NFATC2: variants seen among roughly 807,000 people sequenced by gnomAD.
NFATC2 encodes nuclear factor of activated T cells 2.
Under a neutral mutation model 87.3 loss-of-function variants are expected in NFATC2, and 22 were observed. The ratio of observed to expected loss-of-function variants is 0.25; its 90% CI spans 0.18 to 0.36. The LOEUF (loss-of-function observed/expected upper bound fraction) is 0.36, where lower values mean the gene tolerates loss of function less well. NFATC2 is among the 10% of genes least tolerant of loss of function. The probability of loss-of-function intolerance (pLI) is 1.00; values close to 1 mark genes in which losing one functional copy is unlikely to be tolerated. For missense variants in NFATC2, 1,149 were observed against 1,259.1 expected (o/e 0.91, Z 1.32); for synonymous variants, 565 against 542.2 (o/e 1.04, Z -0.58).
At chr20:51,535,439 C>A (rs192526337) in intron 1 of NFATC2, among the ~76,000 whole-genome samples, 6 of 152,360 alleles carry the variant, frequency 3.9e-5, no homozygotes, top group African/African-American at 1.4e-4. Context: ...GACAGTGGGG[C>A]CTGTGTAACC....
At chr20:51,493,313 T>C (rs988497732) in intron 3 of NFATC2, among the ~76,000 whole-genome samples, 1 of 152,162 alleles carries the variant, frequency 6.6e-6, no homozygotes, top group Non-Finnish European at 1.5e-5. Context: ...TGGCGACACA[T>C]AGTAAGCGCT....
In NFATC2 at chr20:51,429,395, A is replaced by G. The variant is rs189015149; in HGVS notation, c.2722+2672T>C. Among the ~76,000 whole-genome samples, 28 of 152,374 alleles carry G rather than the reference A, an allele frequency of 1.8e-4. No homozygotes were observed. The East Asian group carries it at 4.0e-3, about 22-fold the overall frequency. On this transcript the variant is annotated intron_variant, in intron 9 of 10. Transcript: ENST00000371564. ...TTTGGAGGCCACGTGGGTGGAAACC[A>G]TTCCACTGCCCCATCCAGCTCTGGC...
chr20:51,552,428 G>T (rs2076942198), intron 1 of NFATC2, among the ~76,000 whole-genome samples: 1 of 152,130 alleles, frequency 6.6e-6, no homozygotes, highest in African/African-American at 2.4e-5. Flanking sequence ...TTAGGGATGA[G>T]CTCCTTATAG....
At chr20:51,561,200 C>T (rs1322046465) in intron 1 of NFATC2, among the ~76,000 whole-genome samples, 1 of 151,426 alleles carries the variant, frequency 6.6e-6, no homozygotes, top group Non-Finnish European at 1.5e-5. Flanking sequence ...CCCGTTAAAA[C>T]GTTCGAAGTC....
In NFATC2 at chr20:51,523,211, G is replaced by A. The variant is rs749094536; in HGVS notation, c.1030C>T (p.His344Tyr). 2.5e-6 allele frequency: 4 copies of A among 1,613,886 alleles called. No individual in the cohort carries two copies. The East Asian group carries it at 8.9e-5, about 36-fold the overall frequency. The change falls in exon 2 of 11, where the codon CAC (histidine) becomes TAC (tyrosine). Residue 344 changes from histidine to tyrosine, a missense_variant. Physicochemically the swap from His to Tyr is moderately conservative, Grantham distance 83. This residue lies in a region of NFATC2 where 563 missense variants were observed against 585.2 expected (regional missense o/e 0.96). Coordinates refer to ENST00000371564, the MANE Select transcript of NFATC2 (RefSeq NM_012340.5). This position sits in a 1 kb window ranked among gnomAD's most constrained non-coding sequence, Gnocchi z 6.9. ...AAPSKAGLPR[H>Y]IYPAVEFLGP... Reference sequence around the variant, plus strand: ...AGGAACTCCACGGCCGGGTAGATGTGGCGAGGCAGGCCGGCCTTGGATGGG... The same window carrying A: ...AGGAACTCCACGGCCGGGTAGATGTAGCGAGGCAGGCCGGCCTTGGATGGG...
At chr20:51,525,029 G>A (rs201977420) in intron 1 of NFATC2, among the ~76,000 whole-genome samples, 2 of 152,042 alleles carry the variant, frequency 1.3e-5, no homozygotes, top group East Asian at 1.9e-4. Flanking sequence ...AGACCAGCCC[G>A]GCCAACATGG....
chr20:51,493,542 A>G (rs932009058), intron 3 of NFATC2, among the ~76,000 whole-genome samples: 1 of 152,202 alleles, frequency 6.6e-6, no homozygotes, highest in Non-Finnish European at 1.5e-5. Context: ...GCCTCTCATT[A>G]CTTGAGCACC....
intron 9 of NFATC2, among the ~76,000 whole-genome samples, chr20:51,431,250 C>T (rs1982659460): frequency 6.6e-6 from 1 of 152,218 alleles, no homozygotes; most frequent in Non-Finnish European, 1.5e-5. Context: ...CAAGGCTGCT[C>T]TGCTCATCCC....
intron 3 of NFATC2, among the ~76,000 whole-genome samples, chr20:51,507,037 G>A (rs943275991): frequency 8.5e-5 from 13 of 152,186 alleles, no homozygotes; most frequent in Admixed American, 3.9e-4. Flanking sequence ...ATCCAGCCCC[G>A]GCTGGAGCGC....
Position 51,391,463 on chromosome 20 carries a change from AAGAGGAGGGGGGGGGAG to A in NFATC2, c.*45-29_*45-13del. The A allele has an allele frequency of 8.4e-7, 1 of 1,186,850 alleles. No individual in the cohort carries two copies. 73.5% of individuals were successfully genotyped at this position (1,186,850 alleles called of 1,614,324 possible). Reference sequence around the variant, plus strand: ...GATAATTTCATTAACTACAAAAGAAAAGAGGAGGGGGGGGGAGAGAGAATGGGGCAAGTGAGAGGGCA... The same window carrying A: ...GATAATTTCATTAACTACAAAAGAAAAGAGAATGGGGCAAGTGAGAGGGCA... On this transcript the variant is annotated splice_polypyrimidine_tract_variant and intron_variant, in intron 10 of 10. Coordinates refer to ENST00000371564, the MANE Select transcript of NFATC2 (RefSeq NM_012340.5).
In NFATC2 at chr20:51,443,010, CCT is replaced by C. The variant is rs1447111387; in HGVS notation, c.1850-7251_1850-7250del. On this transcript the variant is annotated intron_variant, in intron 6 of 10. Coordinates refer to ENST00000371564, the MANE Select transcript of NFATC2 (RefSeq NM_012340.5). ...CAGCCTCTCTACCCAGCTTTCCTCC[CCT>C]GATTCCATTAGACACACTGGCCTTC... Among the ~76,000 whole-genome samples the C allele has an allele frequency of 3.3e-5, 5 of 152,270 alleles. No homozygotes were observed. In the South Asian group the frequency reaches 1.0e-3, roughly 32 times the overall value.
intron 10 of NFATC2, among the ~76,000 whole-genome samples, chr20:51,395,379 C>A (rs1477850006): frequency 1.3e-5 from 2 of 149,156 alleles, no homozygotes; most frequent in African/African-American, 2.6e-5. Flanking sequence ...TTTGGGGATC[C>A]CAGAATCCTC....
chr20:51,399,040 G>A lies in NFATC2; in HGVS notation c.2723-310C>T, dbSNP rs991383902. 4 of 251,412 alleles carry A rather than the reference G, an allele frequency of 1.6e-5. No individual in the cohort carries two copies. In the Admixed American group the frequency reaches 2.0e-4, roughly 13 times the overall value. 15.6% of individuals were successfully genotyped at this position (251,412 alleles called of 1,614,324 possible). On this transcript the variant is annotated intron_variant, in intron 9 of 10. Coordinates refer to ENST00000371564, the MANE Select transcript of NFATC2 (RefSeq NM_012340.5). ...GTATGTGATGGGGTTTCAAATCATG[G>A]CCAACTACAAAGAGAAAATTAAGCT...
At chr20:51,475,944 A>G (rs1269201509) in intron 3 of NFATC2, among the ~76,000 whole-genome samples, 1 of 152,202 alleles carries the variant, frequency 6.6e-6, no homozygotes, top group Admixed American at 6.5e-5. Flanking sequence ...TGCTTAATTG[A>G]TGACTGAGGG....
chr20:51,527,554 G>A (rs549814730), intron 1 of NFATC2, among the ~76,000 whole-genome samples: 1 of 152,064 alleles, frequency 6.6e-6, no homozygotes, highest in South Asian at 2.1e-4. Context: ...CTCTTGCTCC[G>A]CCATGCCCCT....
intron 1 of NFATC2, among the ~76,000 whole-genome samples, chr20:51,540,654 T>TTTTTTG (rs1374594659): frequency 7.6e-6 from 1 of 131,116 alleles, no homozygotes; most frequent in African/African-American, 3.1e-5. Context: ...GAAGTTTTTT[T>TTTTTTG]TTTGTTTTTT....
At chr20:51,545,057 T>A (rs2146818118), upstream of NFATC2, among the ~76,000 whole-genome samples, 1 of 152,332 alleles carries the variant, frequency 6.6e-6, no homozygotes, top group South Asian at 2.1e-4. Flanking sequence ...GCTAGGATAC[T>A]TATAGACAGG....
chr20:51,500,964 T>C (rs899857161), intron 3 of NFATC2, among the ~76,000 whole-genome samples: 3 of 147,404 alleles, frequency 2.0e-5, no homozygotes, highest in African/African-American at 7.6e-5. Flanking sequence ...ACACCTTTCT[T>C]GCTATCAGAG....
rs1206210370 is a variant in NFATC2 at position 51,490,103 on chromosome 20, G to C, written c.1333-14443C>G. ...CCATGCTGGGGAAAACTGGATAATAGGGAGATGCTATAATTAATCATAATA... is the reference window on the plus strand; with the variant it reads ...CCATGCTGGGGAAAACTGGATAATACGGAGATGCTATAATTAATCATAATA... On this transcript the variant is annotated intron_variant, in intron 3 of 10. Coordinates refer to ENST00000371564, the MANE Select transcript of NFATC2 (RefSeq NM_012340.5). 2.6e-5 allele frequency among the ~76,000 whole-genome samples: 4 copies of C among 152,292 alleles called. No individual in the cohort carries two copies. The South Asian group carries it at 8.3e-4, about 32-fold the overall frequency.
Sources: gnomAD v4.1 joint callset for allele counts (sites outside exome capture counted in the v4.1 genomes callset) on GRCh38, gnomAD v4.1.1 for gene constraint, gnomAD v4.1.1 regional missense constraint, Gnocchi (gnomAD v3.1) non-coding constraint, MANE v1.5 for transcripts, NCBI Gene and HGNC (gene_info 2026-07-23, HGNC 2026-07-21) for gene names.